The following STXBP4 variants were observed in gnomAD, a reference collection of about 807,000 sequenced individuals.
STXBP4 encodes the protein syntaxin binding protein 4, also known as syntaxin-binding protein 4.
A neutral mutation model predicts 76.1 loss-of-function variants in STXBP4; 55 were observed. That is an observed-to-expected ratio of 0.72 (90% CI 0.58 to 0.91). STXBP4 has a LOEUF of 0.91. Among genes scored for constraint, STXBP4 ranks in the 40% least tolerant of loss-of-function variants. The pLI, the probability that STXBP4 is intolerant of heterozygous loss-of-function variation, is 0.00. For missense variants in STXBP4, 618 were observed against 636.9 expected, an observed-to-expected ratio of 0.97 and a Z score of 0.32; for synonymous variants, 201 against 220.2, an observed-to-expected ratio of 0.91 and a Z score of 0.77.
chr17:55,051,586 T>G (rs557037459), intron 12 of STXBP4, among the ~76,000 whole-genome samples: 8 of 152,238 alleles, frequency 5.3e-5, no homozygotes, highest in South Asian at 2.1e-4. Flanking sequence ...TAAAATAGAA[T>G]GAATGAAGTC....
At chr17:55,202,737 A>G in the STXBP4 span, among the ~76,000 whole-genome samples, 1 of 152,148 alleles carries the variant, frequency 6.6e-6, no homozygotes, top group African/African-American at 2.4e-5. Flanking sequence ...ATCCCTTGAG[A>G]TCCTACCTTC....
chr17:55,036,536 C>T (rs900495125), intron 10 of STXBP4, among the ~76,000 whole-genome samples: 4 of 151,450 alleles, frequency 2.6e-5, no homozygotes, highest in Admixed American at 2.6e-4. Context: ...TACCCATTTG[C>T]TTTTTATTTT....
intron 16 of STXBP4, among the ~76,000 whole-genome samples, chr17:55,095,520 T>G (rs998732091): frequency 1.3e-5 from 2 of 152,224 alleles, no homozygotes; most frequent in African/African-American, 4.8e-5. Context: ...TACTAAAATG[T>G]GTGCAGTAAC....
At position 55,017,669 on chromosome 17, in the gene STXBP4, A is replaced by G. The variant is rs978711985; in HGVS notation, c.666+10072A>G. The stretch of plus-strand genomic sequence containing the variant: ...TTGAATAGAGACTTCTGGCTGTGCC[A>G]TGATCTCAACTGGCTAAAGCCGGGA... On this transcript the variant is annotated intron_variant, in intron 8 of 17. Transcript: ENST00000376352. Among the ~76,000 whole-genome samples the G allele has an allele frequency of 2.6e-5, 4 of 152,214 alleles. 1 individual carries two copies. Among genetic ancestry groups the G allele is most frequent in the Admixed American group, 1.3e-4 (2 of 15,290 alleles).
chr17:55,176,976 G>C (rs1598364873), downstream of STXBP4, among the ~76,000 whole-genome samples: 1 of 152,012 alleles, frequency 6.6e-6, no homozygotes, highest in Non-Finnish European at 1.5e-5. Context: ...CCTCAGAAGA[G>C]AGTCTCATCA....
At chr17:55,016,409 A>G (rs547755260) in intron 8 of STXBP4, among the ~76,000 whole-genome samples, 101 of 152,294 alleles carry the variant, frequency 6.6e-4, no homozygotes, top group African/African-American at 2.4e-3. Context: ...CAGCTGCCCC[A>G]TCAAGATGCA....
intron 8 of STXBP4, among the ~76,000 whole-genome samples, chr17:55,017,380 A>G (rs2078227481): frequency 6.6e-6 from 1 of 152,098 alleles, no homozygotes; most frequent in South Asian, 2.1e-4. Context: ...ATTGGGAGGG[A>G]CAAGACACCA....
chr17:55,035,468 C>T (rs1447960445), intron 10 of STXBP4, among the ~76,000 whole-genome samples: 2 of 151,786 alleles, frequency 1.3e-5, no homozygotes, highest in Non-Finnish European at 2.9e-5. Flanking sequence ...GACCTGGAAT[C>T]TTATCCTGAT....
At chr17:55,039,557 G>A (rs1173259381) in intron 10 of STXBP4, among the ~76,000 whole-genome samples, 1 of 151,910 alleles carries the variant, frequency 6.6e-6, no homozygotes, top group African/African-American at 2.4e-5. Flanking sequence ...AGTCTAGATA[G>A]AGGACTATAG....
intron 16 of STXBP4, among the ~76,000 whole-genome samples, chr17:55,098,196 G>A (rs1002033264): frequency 1.1e-4 from 17 of 152,020 alleles, no homozygotes; most frequent in African/African-American, 4.1e-4. Context: ...CTGAGAACAC[G>A]TGAGAAACCG....
chr17:54,987,013 A>G (rs1206501680), intron 3 of STXBP4, among the ~76,000 whole-genome samples: 2 of 152,182 alleles, frequency 1.3e-5, no homozygotes, highest in East Asian at 1.9e-4. Context: ...GTGTTTTCCA[A>G]ATACCCAGTT....
chr17:54,983,213 T>C (rs1202223859), intron 1 of STXBP4, among the ~76,000 whole-genome samples: 2 of 152,168 alleles, frequency 1.3e-5, no homozygotes, highest in African/African-American at 4.8e-5. Context: ...CCCCTCCTGA[T>C]CTCATCTCAT....
intron 4 of STXBP4, among the ~76,000 whole-genome samples, chr17:54,996,458 G>T (rs902238567): frequency 1.3e-5 from 2 of 151,960 alleles, no homozygotes; most frequent in Admixed American, 6.6e-5. Context: ...GCCATCAAAG[G>T]TTCTCAATCT....
chr17:55,185,296 TCTC>T, the STXBP4 span, among the ~76,000 whole-genome samples: 7 of 88,014 alleles, frequency 8.0e-5, no homozygotes, highest in African/African-American at 3.3e-4. Flanking sequence ...TCCTTCTCCT[TCTC>T]CTTCTCCTTC....
chr17:55,000,919 A>T lies in STXBP4; in HGVS notation c.574+36A>T, dbSNP rs78458511. 6,577 of 1,362,186 alleles carry T rather than the reference A, an allele frequency of 4.8e-3. 88 individuals carry two copies. Among genetic ancestry groups the T allele is most frequent in the African/African-American group, 0.039 (2,720 of 69,390 alleles). The allele number at this position is 1,362,186 out of a possible 1,614,324, so 84.4% of individuals were successfully genotyped here. ...ATTTAATTTCTATTTCCTGTTTTTT[A>T]TTTCAATTCTCTCTCAATGAGGAGT... On this transcript the variant is annotated intron_variant, in intron 7 of 17. Transcript: ENST00000376352.
At chr17:54,973,582 T>C (rs964036244) in intron 1 of STXBP4, among the ~76,000 whole-genome samples, 2 of 152,180 alleles carry the variant, frequency 1.3e-5, no homozygotes, top group African/African-American at 2.4e-5. Context: ...CAATACAACA[T>C]TGGGAGATGC....
At chr17:55,083,334 T>C (rs1469557603) in intron 16 of STXBP4, among the ~76,000 whole-genome samples, 1 of 152,122 alleles carries the variant, frequency 6.6e-6, no homozygotes, top group Non-Finnish European at 1.5e-5. Flanking sequence ...AAGATATTAC[T>C]CAAAAAAGTT....
chr17:55,003,956 G>T (rs2077961552), intron 7 of STXBP4, among the ~76,000 whole-genome samples: 1 of 151,986 alleles, frequency 6.6e-6, no homozygotes, highest in Non-Finnish European at 1.5e-5. Context: ...CAGATCACTT[G>T]AGGTCAGGAG....
intron 16 of STXBP4, among the ~76,000 whole-genome samples, chr17:55,121,935 C>A (rs2079848351): frequency 1.3e-5 from 2 of 151,956 alleles, no homozygotes; most frequent in South Asian, 4.2e-4. Flanking sequence ...CACTTAACAC[C>A]TAAAGGATAC....
Sources: gnomAD v4.1 joint callset for allele counts (sites outside exome capture counted in the v4.1 genomes callset) on GRCh38, gnomAD v4.1.1 for gene constraint, MANE v1.5 for transcripts, NCBI Gene and HGNC (gene_info 2026-07-23, HGNC 2026-07-21) for gene names.